NFKB2: variants seen among roughly 807,000 people sequenced by gnomAD.
NFKB2 encodes nuclear factor NF-kappa-B p100 subunit.
NFKB2 carries 21 observed loss-of-function variants against 109.3 expected under a neutral mutation model. That is an observed-to-expected ratio of 0.19 (90% CI 0.14 to 0.28). The LOEUF (loss-of-function observed/expected upper bound fraction) is 0.28, where lower values mean the gene tolerates loss of function less well. Ranked by LOEUF, NFKB2 falls within the 10% of genes least tolerant of loss-of-function variation. NFKB2 has a pLI of 1.00. For synonymous variants in NFKB2, 478 were observed against 489.9 expected, an observed-to-expected ratio of 0.98 and a Z score of 0.32; for missense variants, 806 against 1,185.3, an observed-to-expected ratio of 0.68 and a Z score of 4.70.
intron 14 of NFKB2, 59 bp downstream of exon 14, chr10:102,399,777 ACGGAGG>A: frequency 7.0e-7 from 1 of 1,437,504 alleles, no homozygotes; most frequent in Non-Finnish European, 9.1e-7. Context: ...AGGGACCGGC[ACGGAGG>A]CGGGCTCTGC....
rs758547255 is a variant in NFKB2, at chr10:102,401,377, G to T, written c.2223+46G>T. ...GAAGTGCTCTGAGTGACGGGGTCCA[G>T]AGTATCTGGACTTAAAGACACAGGC... On this transcript the variant is annotated intron_variant, in intron 19 of 22. Coordinates refer to ENST00000661543, the MANE Select transcript of NFKB2 (RefSeq NM_001322934.2). This position sits in a 1 kb window ranked among gnomAD's most constrained non-coding sequence, Gnocchi z 4.2. The T allele has an allele frequency of 1.2e-6, 2 of 1,611,932 alleles. No homozygotes were observed. The highest frequency in any genetic ancestry group is 1.7e-6 in the Non-Finnish European group (2 of 1,178,710).
chr10:102,398,166 A>G lies in NFKB2; in HGVS notation c.767-46A>G, dbSNP rs766069511. The G allele has an allele frequency of 5.6e-6, 9 of 1,612,808 alleles. No individual in the cohort carries two copies. In the Admixed American group the frequency reaches 1.5e-4, roughly 27 times the overall value. ...GGGAAGCTCTAGGGTAAATGGCCCC[A>G]GAGATTCCACCGGGAGCTGTGGCCA... is the stretch of plus-strand genomic sequence containing the variant. On this transcript the variant is annotated intron_variant, in intron 9 of 22. Coordinates refer to ENST00000661543, the MANE Select transcript of NFKB2 (RefSeq NM_001322934.2). This position sits in a 1 kb window ranked among gnomAD's most constrained non-coding sequence, Gnocchi z 6.6.
At chr10:102,395,581 C>G, upstream of NFKB2, 2 of 394,928 alleles carry the variant, frequency 5.1e-6, no homozygotes, top group Non-Finnish European at 9.4e-6. Context: ...AGCGGGAGCC[C>G]GTAGACTGTC....
At position 102,401,719 on chromosome 10, in the gene NFKB2, CAT is replaced by C. The variant is rs1413127091; in HGVS notation, c.2294-25_2294-24del. The C allele has an allele frequency of 1.0e-5, 16 of 1,573,286 alleles. No homozygotes were observed. The highest frequency in any genetic ancestry group is 1.3e-5 in the Non-Finnish European group (15 of 1,157,552). ...CCCACCCAACTCTGGAGGTAAATGA[CAT>C]GTCTGTATGTGTGTCCCCCTAAGGG... On this transcript the variant is annotated intron_variant, in intron 20 of 22. Transcript: ENST00000661543. This position sits in a 1 kb window ranked among gnomAD's most constrained non-coding sequence, Gnocchi z 4.2.
upstream of NFKB2, chr10:102,394,406 C>G (rs1326249002): frequency 6.6e-6 from 1 of 152,468 alleles, no homozygotes. Context: ...GTTGGCTGCG[C>G]CAGTCCAGAG....
chr10:102,396,215 G>A lies in NFKB2; in HGVS notation c.22-38G>A. Reference sequence around the variant, plus strand: ...GGGAGGTGGGGCTGTGGGGGGTGCTGAGAGTCGGATGCCACCCCCAGTCTG... The same window carrying A: ...GGGAGGTGGGGCTGTGGGGGGTGCTAAGAGTCGGATGCCACCCCCAGTCTG... On this transcript the variant is annotated intron_variant, in intron 2 of 22. Transcript: ENST00000661543. This position sits in a 1 kb window ranked among gnomAD's most constrained non-coding sequence, Gnocchi z 5.9. 3 of 1,583,382 alleles carry A rather than the reference G, an allele frequency of 1.9e-6. No individual in the cohort carries two copies. The highest frequency in any genetic ancestry group is 2.6e-6 in the Non-Finnish European group (3 of 1,156,304).
chr10:102,402,146 G>A lies in NFKB2; in HGVS notation c.2565G>A (p.Lys855=). 3 of 1,575,692 alleles carry A rather than the reference G, an allele frequency of 1.9e-6. No individual in the cohort carries two copies. Among genetic ancestry groups the A allele is most frequent in the Non-Finnish European group, 1.7e-6 (2 of 1,160,136 alleles). ...TGAGGGGTCCAGAAACCCGAGACAA[G>A]CTGCCCAGCACAGGTAAAGGGGCCT... The part of the protein sequence containing the change: ...RLLRGPETRD[K]LPSTAEVKED... Residue 855 remains lysine (K), a synonymous_variant, in exon 22 of 23, where the codon AAG becomes AAA. Coordinates refer to ENST00000661543, the MANE Select transcript of NFKB2 (RefSeq NM_001322934.2).
Position 102,396,157 on chromosome 10 carries a change from G to C in NFKB2, c.22-96G>C, listed in dbSNP as rs1281554378. Reference sequence around the variant, plus strand: ...AGGAGCTTTCTCTTGGGTCTGAGGAGGAGGGGGGAGTGACCACTGAAGACT... The same window carrying C: ...AGGAGCTTTCTCTTGGGTCTGAGGACGAGGGGGGAGTGACCACTGAAGACT... On this transcript the variant is annotated intron_variant, in intron 2 of 22. Coordinates refer to ENST00000661543, the MANE Select transcript of NFKB2 (RefSeq NM_001322934.2). The surrounding 1 kb of genome is among the most constrained non-coding windows in gnomAD (Gnocchi z 5.9). 3.4e-6 allele frequency: 5 copies of C among 1,471,590 alleles called. No homozygotes were observed. In the East Asian group the frequency reaches 9.1e-5, roughly 27 times the overall value. 91.2% of individuals were successfully genotyped at this position (1,471,590 alleles called of 1,614,324 possible). A position where few individuals can be genotyped will look rare whatever the true frequency, so the allele number is the denominator to read the frequency against.
rs1261562267 is a variant in NFKB2 at position 102,399,357 on chromosome 10, G to A, written c.1187G>A (p.Gly396Asp). Residue 396 changes from glycine (G) to aspartate (D), a missense_variant, in exon 13 of 23, where the codon GGC becomes GAC. Gly to Asp is a moderately conservative substitution (Grantham distance 94). Transcript: ENST00000661543. ...TACCAGTCCGGCGCGGGCCCCATGG[G>A]CTGCTACCCGGGAGGCGGGGGCGGG... is the stretch of plus-strand genomic sequence containing the variant. ...SPYQSGAGPMGCYPGGGGGAQ... is the reference protein window; with the variant it reads ...SPYQSGAGPMDCYPGGGGGAQ... 6.4e-7 allele frequency: 1 copy of A among 1,563,390 alleles called. No individual in the cohort carries two copies. The highest frequency in any genetic ancestry group is 8.6e-7 in the Non-Finnish European group (1 of 1,156,626).
At position 102,398,279 on chromosome 10, in the gene NFKB2, C is replaced by A; in HGVS notation, c.834C>A (p.Pro278=). The part of the protein sequence containing the change: ...NGWQAFGDFS[P]TDVHKQYAIV... ...GGCAGGCCTTTGGGGACTTCTCTCC[C>A]ACAGATGTGCATAAACAGGTACCCA... is the stretch of plus-strand genomic sequence containing the variant. Residue 278 remains proline (P), a synonymous_variant, in exon 10 of 23, where the codon CCC becomes CCA. Coordinates refer to ENST00000661543, the MANE Select transcript of NFKB2 (RefSeq NM_001322934.2). This position sits in a 1 kb window ranked among gnomAD's most constrained non-coding sequence, Gnocchi z 6.6. 1 of 1,614,148 alleles carries A rather than the reference C, an allele frequency of 6.2e-7. No homozygotes were observed. The highest frequency in any genetic ancestry group is 8.5e-7 in the Non-Finnish European group (1 of 1,180,030).
rs760801483 is a variant in NFKB2, at chr10:102,398,906, G to C, written c.1117+42G>C. On this transcript the variant is annotated intron_variant, in intron 12 of 22. Transcript: ENST00000661543. This position sits in a 1 kb window ranked among gnomAD's most constrained non-coding sequence, Gnocchi z 6.6. ...GGAGGGAGGGGTAAAGGTAAGAGAAGCTGTGGAGGAAAAAAATCTGGGGGA... is the reference window on the plus strand; with the variant it reads ...GGAGGGAGGGGTAAAGGTAAGAGAACCTGTGGAGGAAAAAAATCTGGGGGA... The C allele has an allele frequency of 1.7e-5, 26 of 1,572,522 alleles. No individual in the cohort carries two copies. The highest frequency in any genetic ancestry group is 2.2e-5 in the Non-Finnish European group (26 of 1,161,490).
chr10:102,399,915 CT>C (rs2061197937), intron 14 of NFKB2, 164 bp from the exon 15 acceptor site: 1 of 1,058,812 alleles, frequency 9.4e-7, no homozygotes, highest in Non-Finnish European at 1.4e-6. Context: ...TAGCACTTAC[CT>C]ACCTCAAAAG....
At position 102,400,272 on chromosome 10, in the gene NFKB2, C is replaced by T. The variant is rs774816336; in HGVS notation, c.1585-6C>T. ...CGGGCCTGGCTCACCCTGCTTTCAT[C>T]CCCAGACGCCCCTGCACCTGGCGGT... is the stretch of plus-strand genomic sequence containing the variant. On this transcript the variant is annotated splice_polypyrimidine_tract_variant and splice_region_variant and intron_variant, in intron 15 of 22. Coordinates refer to ENST00000661543, the MANE Select transcript of NFKB2 (RefSeq NM_001322934.2). The surrounding 1 kb of genome is among the most constrained non-coding windows in gnomAD (Gnocchi z 6.3). 2 of 1,614,034 alleles carry T rather than the reference C, an allele frequency of 1.2e-6. No individual in the cohort carries two copies. The highest frequency in any genetic ancestry group is 3.3e-5 in the Admixed American group (2 of 60,024).
rs1199953728 is a variant in NFKB2, at chr10:102,398,600, TG to T, written c.991+81del. 1.9e-6 allele frequency: 3 copies of T among 1,609,174 alleles called. No homozygotes were observed. Among genetic ancestry groups the T allele is most frequent in the Non-Finnish European group, 2.5e-6 (3 of 1,177,624 alleles). On this transcript the variant is annotated intron_variant, in intron 11 of 22. Coordinates refer to ENST00000661543, the MANE Select transcript of NFKB2 (RefSeq NM_001322934.2). This position sits in a 1 kb window ranked among gnomAD's most constrained non-coding sequence, Gnocchi z 6.6. ...AGAAGAAGGTCCCAAGAGCTAGATG[TG>T]GGGATGCATGAGCCAAGTCAGAAGT...
In NFKB2 at chr10:102,401,605, C is replaced by A; in HGVS notation, c.2293+87C>A. ...TTCAGGACCTCTGAAGGAGGCCTCC[C>A]TTTCTCTACCCTCAGCCCCGTCCAT... On this transcript the variant is annotated intron_variant, in intron 20 of 22. Transcript: ENST00000661543. The surrounding 1 kb of genome is among the most constrained non-coding windows in gnomAD (Gnocchi z 4.2). 1 of 1,544,970 alleles carries A rather than the reference C, an allele frequency of 6.5e-7. No homozygotes were observed. Among genetic ancestry groups the A allele is most frequent in the East Asian group, 2.3e-5 (1 of 44,138 alleles).
In NFKB2 at chr10:102,395,905, T is replaced by C; in HGVS notation, c.-55T>C. The C allele has an allele frequency of 6.5e-7, 1 of 1,537,182 alleles. No individual in the cohort carries two copies. Among genetic ancestry groups the C allele is most frequent in the Non-Finnish European group, 8.8e-7 (1 of 1,133,920 alleles). ...AACTTTAGGCGGGCGTCTAAAATTCTGGGAAGCAGAACCTGGCCGGAGCCA... is the reference window on the plus strand; with the variant it reads ...AACTTTAGGCGGGCGTCTAAAATTCCGGGAAGCAGAACCTGGCCGGAGCCA... On this transcript the variant is annotated 5_prime_UTR_variant, in exon 2 of 23. Coordinates refer to ENST00000661543, the MANE Select transcript of NFKB2 (RefSeq NM_001322934.2).
At position 102,400,058 on chromosome 10, in the gene NFKB2, A is replaced by G; in HGVS notation, c.1470-22A>G. On this transcript the variant is annotated intron_variant, in intron 14 of 22. Transcript: ENST00000661543. The surrounding 1 kb of genome is among the most constrained non-coding windows in gnomAD (Gnocchi z 6.3). ...AGGATGCTCTGAGTGGCTGGGCCAG[A>G]CTCTCGCTCCCCAACCCCCAGACCA... 6.2e-7 allele frequency: 1 copy of G among 1,609,356 alleles called. No individual in the cohort carries two copies. The highest frequency in any genetic ancestry group is 1.1e-5 in the South Asian group (1 of 90,982).
rs1164999678 is a variant in NFKB2 at position 102,397,953 on chromosome 10, C to G, written c.662-28C>G. 1 of 1,608,338 alleles carries G rather than the reference C, an allele frequency of 6.2e-7. No homozygotes were observed. The highest frequency in any genetic ancestry group is 8.5e-7 in the Non-Finnish European group (1 of 1,174,952). ...AATGTGGCCTTGGCTATTGCATCAT[C>G]TCAACTAATCCATATCCCACTCCAT... is the stretch of plus-strand genomic sequence containing the variant. On this transcript the variant is annotated intron_variant, in intron 8 of 22. Coordinates refer to ENST00000661543, the MANE Select transcript of NFKB2 (RefSeq NM_001322934.2). The surrounding 1 kb of genome is among the most constrained non-coding windows in gnomAD (Gnocchi z 4.7).
rs776075705 is a variant in NFKB2, at chr10:102,397,378, C to T, written c.472C>T (p.Arg158Trp). Residue 158 changes from arginine (R) to tryptophan (W), a missense_variant, in exon 7 of 23, where the codon CGG becomes TGG. Physicochemically the swap from Arg to Trp is moderately radical, Grantham distance 101. Around this residue, in one of 10 missense-constraint regions of NFKB2, gnomAD observed 62 missense variants for 102.2 expected, o/e 0.61. Coordinates refer to ENST00000661543, the MANE Select transcript of NFKB2 (RefSeq NM_001322934.2). This position sits in a 1 kb window ranked among gnomAD's most constrained non-coding sequence, Gnocchi z 4.7. Reference sequence around the variant, plus strand: ...TATGATACAAAAACTTCAGAGGCAGCGGCTCCGCTCTAGGCCCCAGGGCCT... The same window carrying T: ...TATGATACAAAAACTTCAGAGGCAGTGGCTCCGCTCTAGGCCCCAGGGCCT... ...GTMIQKLQRQ[R>W]LRSRPQGLTE... 97 of 1,488,884 alleles carry T rather than the reference C, an allele frequency of 6.5e-5. No individual in the cohort carries two copies. The highest frequency in any genetic ancestry group is 8.5e-5 in the Non-Finnish European group (94 of 1,104,942). 92.2% of individuals were successfully genotyped at this position (1,488,884 alleles called of 1,614,324 possible).
Sources: gnomAD v4.1 joint callset for allele counts on GRCh38, gnomAD v4.1.1 for gene constraint, gnomAD v4.1.1 regional missense constraint, Gnocchi (gnomAD v3.1) non-coding constraint, MANE v1.5 for transcripts, NCBI Gene and HGNC (gene_info 2026-07-23, HGNC 2026-07-21) for gene names.